PKN2: variants seen among roughly 807,000 people sequenced by gnomAD.
PKN2 encodes the protein protein kinase N2.
PKN2 carries 38 observed loss-of-function variants against 119.1 expected under a neutral mutation model. The observed-to-expected ratio is 0.32, with a 90% confidence interval of 0.25 to 0.42. PKN2 has a LOEUF of 0.42. Among genes scored for constraint, PKN2 ranks in the 10% least tolerant of loss-of-function variants. The probability of loss-of-function intolerance (pLI) is 1.00; values close to 1 mark genes in which losing one functional copy is unlikely to be tolerated. For synonymous variants in PKN2, 390 were observed against 384.9 expected, an observed-to-expected ratio of 1.01 and a Z score of -0.15; for missense variants, 850 against 1,165.1, an observed-to-expected ratio of 0.73 and a Z score of 3.94.
At position 88,835,803 on chromosome 1, in the gene PKN2, TA is replaced by T. The variant is rs1376574606; in HGVS notation, c.*2357del. On this transcript the variant is annotated 3_prime_UTR_variant, in exon 22 of 22. Transcript: ENST00000370521. ...TAAAGTCTATATAGATTGAAATTTG[TA>T]ACTTTGGTTTTAAGTATTCTTTCCT... is the stretch of plus-strand genomic sequence containing the variant. 1 of 152,570 alleles carries T rather than the reference TA, an allele frequency of 6.6e-6. No homozygotes were observed. Among genetic ancestry groups the T allele is most frequent in the Non-Finnish European group, 1.5e-5 (1 of 67,976 alleles). The allele number at this position is 152,570 out of a possible 1,614,324, so 9.5% of individuals were successfully genotyped here.
intron 1 of PKN2, among the ~76,000 whole-genome samples, chr1:88,729,513 T>TG (rs1557571311): frequency 6.6e-6 from 1 of 152,204 alleles, no homozygotes; most frequent in Non-Finnish European, 1.5e-5. Context: ...GGAAAGCTTT[T>TG]GTTCTCATAC....
At chr1:88,785,921 G>A (rs980895249) in intron 7 of PKN2, among the ~76,000 whole-genome samples, 183 bp from the exon 8 acceptor site, 1 of 152,176 alleles carries the variant, frequency 6.6e-6, no homozygotes, top group Admixed American at 6.5e-5. Flanking sequence ...CAATTTGGGA[G>A]TGTCTAGTAG....
At chr1:88,725,910 A>G (rs1667880242) in intron 1 of PKN2, among the ~76,000 whole-genome samples, 1 of 152,196 alleles carries the variant, frequency 6.6e-6, no homozygotes, top group South Asian at 2.1e-4. Context: ...TGAGCATACC[A>G]ATTCTATACA....
chr1:88,700,665 G>GT, intron 1 of PKN2, among the ~76,000 whole-genome samples: 1 of 152,264 alleles, frequency 6.6e-6, no homozygotes, highest in African/African-American at 2.4e-5. Context: ...AAAAAGGACA[G>GT]CTTCCCCTGT....
chr1:88,729,731 G>T (rs1365036536), intron 1 of PKN2, among the ~76,000 whole-genome samples: 3 of 152,264 alleles, frequency 2.0e-5, no homozygotes, highest in African/African-American at 7.2e-5. Flanking sequence ...GAGTCCATGT[G>T]GAAGGGTGTG....
intron 1 of PKN2, among the ~76,000 whole-genome samples, chr1:88,737,163 A>G (rs1405213690): frequency 6.6e-6 from 1 of 152,214 alleles, no homozygotes; most frequent in Admixed American, 6.5e-5. Context: ...TGCCAAGACA[A>G]GCACAGCACA....
intron 2 of PKN2, among the ~76,000 whole-genome samples, chr1:88,741,971 C>T (rs146176087): frequency 1.4e-3 from 215 of 151,740 alleles, no homozygotes; most frequent in African/African-American, 4.6e-3. Context: ...TTTCTTAGAC[C>T]GTCTCCTTAA....
intron 18 of PKN2, among the ~76,000 whole-genome samples, chr1:88,825,403 AGCT>A (rs1274723215): frequency 6.6e-6 from 1 of 152,220 alleles, no homozygotes; most frequent in Admixed American, 6.5e-5. Context: ...TCTACTAGAC[AGCT>A]CTGCCTGAAT....
chr1:88,746,857 C>T (rs912176331), intron 2 of PKN2, among the ~76,000 whole-genome samples: 1 of 152,072 alleles, frequency 6.6e-6, no homozygotes, highest in African/African-American at 2.4e-5. Flanking sequence ...AACTGAAGTG[C>T]CCATCAACAG....
intron 1 of PKN2, among the ~76,000 whole-genome samples, chr1:88,700,452 C>T (rs1118228): frequency 0.11 from 17,070 of 152,090 alleles, 1,969 homozygotes; most frequent in African/African-American, 0.3. Context: ...TGACCTACTT[C>T]GTTTGACCAT....
chr1:88,811,663 A>C (rs1671787277), intron 15 of PKN2, among the ~76,000 whole-genome samples: 1 of 152,172 alleles, frequency 6.6e-6, no homozygotes, highest in South Asian at 2.1e-4. Flanking sequence ...GCCAGAACAC[A>C]GTCATTCTTG....
chr1:88,709,770 C>T (rs1387431452), intron 1 of PKN2, among the ~76,000 whole-genome samples: 1 of 152,112 alleles, frequency 6.6e-6, no homozygotes, highest in East Asian at 1.9e-4. Flanking sequence ...TTTACAAGAA[C>T]CTTAAAAAAA....
chr1:88,835,277 A>G lies in PKN2; in HGVS notation c.*1829A>G, dbSNP rs968093493. 1.3e-5 allele frequency: 2 copies of G among 152,490 alleles called. No individual in the cohort carries two copies. Among genetic ancestry groups the G allele is most frequent in the Non-Finnish European group, 2.9e-5 (2 of 67,942 alleles). 9.4% of individuals were successfully genotyped at this position (152,490 alleles called of 1,614,324 possible). A position where few individuals can be genotyped will look rare whatever the true frequency, so the allele number is the denominator to read the frequency against. ...TTTCCTCGGCAAAGGACAATAGAGG[A>G]ACTTAGCTTAATTGTCTGGCTTTAA... is the stretch of plus-strand genomic sequence containing the variant. On this transcript the variant is annotated 3_prime_UTR_variant, in exon 22 of 22. Transcript: ENST00000370521.
intron 8 of PKN2, among the ~76,000 whole-genome samples, chr1:88,789,956 C>G (rs751430506): frequency 3.4e-4 from 52 of 152,252 alleles, no homozygotes; most frequent in Admixed American, 9.8e-4. Flanking sequence ...CTTAGGGCCA[C>G]TAAATACCTC....
intron 12 of PKN2, among the ~76,000 whole-genome samples, chr1:88,806,820 A>G (rs1287076855): frequency 2.0e-5 from 3 of 152,046 alleles, no homozygotes; most frequent in Non-Finnish European, 4.4e-5. Context: ...CCTGGGTTCA[A>G]GTGATTCCAC....
chr1:88,730,612 T>A (rs1169306810), intron 1 of PKN2, among the ~76,000 whole-genome samples: 1 of 152,244 alleles, frequency 6.6e-6, no homozygotes, highest in Admixed American at 6.5e-5. Flanking sequence ...GAAATGAGAA[T>A]TTTAGCTGTA....
At chr1:88,829,332 C>G in intron 19 of PKN2, 5 of 499,924 alleles carry the variant, frequency 1.0e-5, no homozygotes, top group Admixed American at 2.8e-5. Flanking sequence ...TTCGCTACAC[C>G]AACAGCTCCA....
intron 6 of PKN2, among the ~76,000 whole-genome samples, chr1:88,782,555 CTG>C (rs1483569679): frequency 3.9e-5 from 6 of 152,086 alleles, no homozygotes; most frequent in Non-Finnish European, 7.4e-5. Context: ...AATTTCTTTG[CTG>C]TGTCTTCAAG....
intron 6 of PKN2, among the ~76,000 whole-genome samples, chr1:88,773,954 C>T (rs1669989044): frequency 6.6e-6 from 1 of 152,154 alleles, no homozygotes; most frequent in African/African-American, 2.4e-5. Flanking sequence ...AGGCTACATG[C>T]ACTCCTGACC....
Sources: gnomAD v4.1 joint callset for allele counts (sites outside exome capture counted in the v4.1 genomes callset) on GRCh38, gnomAD v4.1.1 for gene constraint, MANE v1.5 for transcripts, NCBI Gene and HGNC (gene_info 2026-07-23, HGNC 2026-07-21) for gene names.